DNAH9: variants seen among roughly 807,000 people sequenced by gnomAD.
DNAH9 encodes the protein DNAH9 variant protein.
In DNAH9, 345 loss-of-function variants were observed where a neutral mutation model predicts 471.6. That is an observed-to-expected ratio of 0.73 (90% CI 0.67 to 0.80). The LOEUF (loss-of-function observed/expected upper bound fraction) is 0.80. Among genes scored for constraint, DNAH9 ranks in the 30% least tolerant of loss-of-function variants. The probability of loss-of-function intolerance (pLI) is 0.00; values close to 1 mark genes in which losing one functional copy is unlikely to be tolerated. For missense variants in DNAH9, 5,407 were observed against 5,609.2 expected (o/e 0.96, Z 1.15); for synonymous variants, 2,093 against 2,123.6 (o/e 0.99, Z 0.40).
In DNAH9 at chr17:11,750,271, C is replaced by CA. The variant is rs199601472; in HGVS notation, c.6610+2516dup. Reference sequence around the variant, plus strand: ...AACATAGTTGAGACCCCATGTCTACCAAAAAAAAAAATTTTTTGGATAACT... The same window carrying CA: ...AACATAGTTGAGACCCCATGTCTACCAAAAAAAAAAAATTTTTTGGATAACT... On this transcript the variant is annotated intron_variant, in intron 32 of 68. Coordinates refer to ENST00000262442, the MANE Select transcript of DNAH9 (RefSeq NM_001372.4). Among the ~76,000 whole-genome samples, 1,379 of 144,342 alleles carry CA rather than the reference C, an allele frequency of 9.6e-3. 21 individuals are homozygous for CA. The highest frequency in any genetic ancestry group is 0.032 in the African/African-American group (1,265 of 39,444). The allele number at this position is 144,342 out of a possible 152,430, so 94.7% of individuals were successfully genotyped here.
At chr17:11,779,524 TG>T (rs1968591777) in intron 38 of DNAH9, among the ~76,000 whole-genome samples, 1 of 152,194 alleles carries the variant, frequency 6.6e-6, no homozygotes, top group South Asian at 2.1e-4. Context: ...GGCCACTTCT[TG>T]CTAACTGACA....
intron 54 of DNAH9, among the ~76,000 whole-genome samples, chr17:11,880,818 C>A (rs372161114): frequency 5.3e-5 from 8 of 152,292 alleles, no homozygotes; most frequent in East Asian, 1.9e-4. Flanking sequence ...CCATAGATGT[C>A]ATTCCCATGT....
chr17:11,840,930 G>A (rs1488144048), intron 49 of DNAH9, among the ~76,000 whole-genome samples: 1 of 152,172 alleles, frequency 6.6e-6, no homozygotes, highest in African/African-American at 2.4e-5. Flanking sequence ...TGGCAAGATA[G>A]TACATCCATG....
chr17:11,953,540 G>A (rs112465321), intron 67 of DNAH9, among the ~76,000 whole-genome samples: 211 of 152,204 alleles, frequency 1.4e-3, no homozygotes, highest in Non-Finnish European at 2.1e-3. Flanking sequence ...GGCCAGGTGC[G>A]GTGGCTCATG....
At chr17:11,768,119 A>G (rs1470256743) in intron 36 of DNAH9, among the ~76,000 whole-genome samples, 1 of 151,942 alleles carries the variant, frequency 6.6e-6, no homozygotes, top group African/African-American at 2.4e-5. Context: ...GGGCCAATCT[A>G]CCTCTTCAGG....
At chr17:11,783,289 A>C (rs1464953211) in intron 39 of DNAH9, among the ~76,000 whole-genome samples, 1 of 151,930 alleles carries the variant, frequency 6.6e-6, no homozygotes, top group Non-Finnish European at 1.5e-5. Context: ...TCCCTTAGAC[A>C]CCCCTGCTGA....
At chr17:11,876,589 A>G (rs990072705) in intron 53 of DNAH9, among the ~76,000 whole-genome samples, 1 of 152,244 alleles carries the variant, frequency 6.6e-6, no homozygotes, top group African/African-American at 2.4e-5. Flanking sequence ...CTCTCATCCA[A>G]GGTTCCCAGG....
chr17:11,871,646 A>T lies in DNAH9; in HGVS notation c.10102A>T (p.Asn3368Tyr). Residue 3368 changes from asparagine to tyrosine, a missense_variant, in exon 52 of 69, where the codon AAC becomes TAC. By Grantham distance (143) the Asn-to-Tyr change is moderately radical (BLOSUM62 -2). This residue lies in a region of DNAH9 where 4,636 missense variants were observed against 4,900.3 expected (regional missense o/e 0.95). Coordinates refer to ENST00000262442, the MANE Select transcript of DNAH9 (RefSeq NM_001372.4). The stretch of plus-strand genomic sequence containing the variant: ...CGTGAGGTGGGCAGATGCCGTGCAG[A>T]ACTTCAAACAGCAGGAAAGGACGTT... ...ENVRWADAVQ[N>Y]FKQQERTLCG... 6.2e-7 allele frequency: 1 copy of T among 1,614,234 alleles called. No individual in the cohort carries two copies. Among genetic ancestry groups the T allele is most frequent in the Non-Finnish European group, 8.5e-7 (1 of 1,180,030 alleles).
intron 11 of DNAH9, among the ~76,000 whole-genome samples, chr17:11,644,989 G>T (rs16945125): frequency 0.021 from 3,135 of 152,286 alleles, 84 homozygotes; most frequent in South Asian, 0.11. Context: ...CGGATGTCAC[G>T]GAAAATTGCA....
In DNAH9 at chr17:11,854,062, C is replaced by G. The variant is rs147124932; in HGVS notation, c.9567C>G (p.Ser3189Arg). ...CGCCTCTGGCCGTCAGCAATGTCAG[C>G]GCTGCGGTGATGGTACTGATGGCTC... ...GSPPLAVSNVSAAVMVLMAPR... is the reference protein window; with the variant it reads ...GSPPLAVSNVRAAVMVLMAPR... The change falls in exon 50 of 69, where the codon AGC (serine) becomes AGG (arginine). Residue 3189 changes from serine (S) to arginine (R), a missense_variant. Ser to Arg is a moderately radical substitution (Grantham distance 110, BLOSUM62 -1). Transcript: ENST00000262442. 2 of 1,614,156 alleles carry G rather than the reference C, an allele frequency of 1.2e-6. No individual in the cohort carries two copies. The highest frequency in any genetic ancestry group is 3.3e-5 in the Admixed American group (2 of 60,018).
chr17:11,694,600 AGCTTTCTT>A lies in DNAH9; in HGVS notation c.4872+193_4872+200del, dbSNP rs764975180. On this transcript the variant is annotated intron_variant, in intron 22 of 68. Transcript: ENST00000262442. ...CCCCCAGCATCATCACATACCTCGGAGCTTTCTTGCTTTCTTGCTTTCTTGCTTTCTTG... is the reference window on the plus strand; with the variant it reads ...CCCCCAGCATCATCACATACCTCGGAGCTTTCTTGCTTTCTTGCTTTCTTG... Among the ~76,000 whole-genome samples the A allele has an allele frequency of 2.2e-4, 24 of 109,834 alleles. 3 individuals are homozygous for A. Among genetic ancestry groups the A allele is most frequent in the African/African-American group, 8.2e-4 (23 of 27,934 alleles). The allele number at this position is 109,834 out of a possible 152,430, so 72.1% of individuals were successfully genotyped here.
chr17:11,598,726 C>T lies in DNAH9; in HGVS notation c.228C>T (p.Pro76=), dbSNP rs925623546. The T allele has an allele frequency of 7.2e-7, 1 of 1,389,908 alleles. No homozygotes were observed. Among genetic ancestry groups the T allele is most frequent in the Non-Finnish European group, 9.3e-7 (1 of 1,079,576 alleles). 86.1% of individuals were successfully genotyped at this position (1,389,908 alleles called of 1,614,324 possible). A position where few individuals can be genotyped will look rare whatever the true frequency, so the allele number is the denominator to read the frequency against. The change falls in exon 1 of 69, where the codon CCC becomes CCT. Residue 76 remains proline (P), a synonymous_variant. Transcript: ENST00000262442. ...CGCGGCCGCTGCTGGTGGTGCGGCCCGGGCCCAGGGGCCTGGCAATACGCC... is the reference window on the plus strand; with the variant it reads ...CGCGGCCGCTGCTGGTGGTGCGGCCTGGGCCCAGGGGCCTGGCAATACGCC... ...EGPRPLLVVR[P]GPRGLAIRPG...
At chr17:11,806,214 A>G (rs1415218189) in intron 43 of DNAH9, among the ~76,000 whole-genome samples, 3 of 152,136 alleles carry the variant, frequency 2.0e-5, no homozygotes, top group Non-Finnish European at 2.9e-5. Flanking sequence ...TAGCAGATCC[A>G]CCTTTTGATC....
At chr17:11,735,594 C>T (rs937431571) in intron 28 of DNAH9, among the ~76,000 whole-genome samples, 1 of 152,038 alleles carries the variant, frequency 6.6e-6, no homozygotes, top group Non-Finnish European at 1.5e-5. Flanking sequence ...TGCCACCAGG[C>T]CTGGCTAATT....
At position 11,598,798 on chromosome 17, in the gene DNAH9, G is replaced by C. The variant is rs760619684; in HGVS notation, c.300G>C (p.Ala100=). The change falls in exon 1 of 69, where the codon GCG becomes GCC. Residue 100 remains alanine, a synonymous_variant. Transcript: ENST00000262442. ...GPESGLAGAK[A]LFFLRTGPEP... is the part of the protein sequence containing the mutation. ...AGTCGGGCCTGGCTGGCGCTAAGGC[G>C]CTTTTTTTCCTTCGCACCGGGCCCG... is the stretch of plus-strand genomic sequence containing the variant. 223 of 1,479,566 alleles carry C rather than the reference G, an allele frequency of 1.5e-4. No homozygotes were observed. The East Asian group carries it at 6.1e-3, about 41-fold the overall frequency. 91.7% of individuals were successfully genotyped at this position (1,479,566 alleles called of 1,614,324 possible).
chr17:11,666,602 G>C (rs561287752), intron 15 of DNAH9, among the ~76,000 whole-genome samples: 1 of 152,152 alleles, frequency 6.6e-6, no homozygotes, highest in Admixed American at 6.5e-5. Flanking sequence ...AATTTGAAAG[G>C]CACTGGTTAT....
At chr17:11,681,577 T>C (rs1471665368) in intron 19 of DNAH9, among the ~76,000 whole-genome samples, 2 of 152,148 alleles carry the variant, frequency 1.3e-5, no homozygotes, top group South Asian at 2.1e-4. Flanking sequence ...GCCAGCTAGA[T>C]TGGGTGCCCT....
intron 50 of DNAH9, among the ~76,000 whole-genome samples, chr17:11,864,943 T>C (rs1971989579): frequency 1.3e-5 from 2 of 152,332 alleles, no homozygotes; most frequent in South Asian, 2.1e-4. Context: ...GTTTCCTGAA[T>C]ACAACACACT....
chr17:11,924,662 C>T (rs1253539367), intron 62 of DNAH9, among the ~76,000 whole-genome samples: 18 of 113,928 alleles, frequency 1.6e-4, no homozygotes, highest in South Asian at 2.9e-4. Flanking sequence ...CTTGCTCTGT[C>T]GCCTAGGCTG....
Sources: allele counts gnomAD v4.1 joint callset (sites outside exome capture counted in the v4.1 genomes callset), GRCh38; gene constraint gnomAD v4.1.1; regional missense constraint gnomAD v4.1.1; transcripts MANE v1.5; gene names NCBI Gene and HGNC (gene_info 2026-07-23, HGNC 2026-07-21).